KLF12: variants seen among roughly 807,000 people sequenced by gnomAD.
KLF12 encodes the protein Krueppel-like factor 12.
In KLF12, 9 loss-of-function variants were observed where a neutral mutation model predicts 37.8. That is an observed-to-expected ratio of 0.24 (90% CI 0.14 to 0.42). The LOEUF is 0.42. Ranked by LOEUF, KLF12 falls within the 10% of genes least tolerant of loss-of-function variation. The pLI is 1.00. For synonymous variants in KLF12, 208 were observed against 202.1 expected, an observed-to-expected ratio of 1.03 and a Z score of -0.25; for missense variants, 411 against 516.0, an observed-to-expected ratio of 0.80 and a Z score of 1.97.
intron 5 of KLF12, chr13:73,800,209 T>C (rs2138338195): frequency 6.6e-6 from 1 of 152,188 alleles, no homozygotes; most frequent in Middle Eastern, 3.4e-3. Context: ...CACTACTCTA[T>C]TATACTTGGC....
At chr13:74,282,630 T>G in the KLF12 span, among the ~76,000 whole-genome samples, 1 of 152,166 alleles carries the variant, frequency 6.6e-6, no homozygotes, top group Non-Finnish European at 1.5e-5. Context: ...TATGGGTGAC[T>G]GCACAACAGC....
chr13:74,171,664 G>A, the KLF12 span, among the ~76,000 whole-genome samples: 5 of 152,146 alleles, frequency 3.3e-5, no homozygotes, highest in Non-Finnish European at 7.3e-5. Context: ...TAATTGAAAG[G>A]TGGAAGTAGA....
rs542445831 is a variant in KLF12 at position 74,021,435 on chromosome 13, G to A, written c.-31-26382C>T. Among the ~76,000 whole-genome samples the A allele has an allele frequency of 1.4e-3, 214 of 152,268 alleles. 2 individuals carry two copies. The highest frequency in any genetic ancestry group is 5.0e-3 in the African/African-American group (206 of 41,528). Reference sequence around the variant, plus strand: ...TTTCAGTAGAAGAGGCTACAAATAGGACATGATGTTCGTTTGTGACGCAGG... The same window carrying A: ...TTTCAGTAGAAGAGGCTACAAATAGAACATGATGTTCGTTTGTGACGCAGG... On this transcript the variant is annotated intron_variant, in intron 1 of 7. Transcript: ENST00000377669.
At chr13:73,960,359 A>G in intron 2 of KLF12, 1 of 295,828 alleles carries the variant, frequency 3.4e-6, no homozygotes, top group Admixed American at 2.8e-5. Flanking sequence ...ACATGGAGTG[A>G]GATTTTTCAC....
At chr13:74,128,829 C>T (rs115365446) in intron 1 of KLF12, among the ~76,000 whole-genome samples, 2,315 of 151,784 alleles carry the variant, frequency 0.015, 54 homozygotes, top group African/African-American at 0.051. Flanking sequence ...CTGTTTTTCC[C>T]CCTTTTTTAT....
intron 1 of KLF12, among the ~76,000 whole-genome samples, chr13:73,996,764 A>C (rs1000615082): frequency 6.6e-6 from 1 of 152,202 alleles, no homozygotes; most frequent in African/African-American, 2.4e-5. Context: ...AAGAGCCTCC[A>C]ATCAGGAAGA....
At chr13:73,725,230 A>C (rs148675633) in intron 6 of KLF12, among the ~76,000 whole-genome samples, 1,652 of 152,206 alleles carry the variant, frequency 0.011, 11 homozygotes, top group Non-Finnish European at 0.019. Flanking sequence ...TCTCCTGAGT[A>C]GCTGGAACTA....
At chr13:73,801,103 A>AAGATTTTTCTATCTATATC (rs1882258439) in intron 5 of KLF12, 2 of 152,138 alleles carry the variant, frequency 1.3e-5, no homozygotes, top group Admixed American at 1.3e-4. Context: ...ACTCTTACCC[A>AAGATTTTTCTATCTATATC]AGATTTTTCT....
the KLF12 span, among the ~76,000 whole-genome samples, chr13:74,233,098 T>A: frequency 6.6e-6 from 1 of 152,178 alleles, no homozygotes; most frequent in Non-Finnish European, 1.5e-5. Context: ...TTAGCCAGGA[T>A]GGTCTTGATC....
At chr13:73,847,363 G>A (rs948159452) in intron 3 of KLF12, among the ~76,000 whole-genome samples, 1 of 151,886 alleles carries the variant, frequency 6.6e-6, no homozygotes, top group African/African-American at 2.4e-5. Context: ...ACTTTTTATG[G>A]ATCAGAACAA....
intron 1 of KLF12, among the ~76,000 whole-genome samples, chr13:74,128,486 T>C (rs757910570): frequency 2.6e-5 from 4 of 152,202 alleles, no homozygotes; most frequent in Admixed American, 6.5e-5. Flanking sequence ...ACCACAGCCC[T>C]GTAAACTACA....
the KLF12 span, among the ~76,000 whole-genome samples, chr13:74,178,229 T>C: frequency 6.6e-6 from 1 of 152,226 alleles, no homozygotes; most frequent in Non-Finnish European, 1.5e-5. Flanking sequence ...TCCATCCACC[T>C]TGTGTGGTGT....
intron 1 of KLF12, among the ~76,000 whole-genome samples, chr13:74,098,960 C>T (rs1019128477): frequency 2.6e-5 from 4 of 152,090 alleles, no homozygotes; most frequent in African/African-American, 4.8e-5. Flanking sequence ...ACACAAACTC[C>T]GCTTACTTTT....
chr13:73,863,904 A>C (rs1475995845), intron 3 of KLF12, among the ~76,000 whole-genome samples: 1 of 152,196 alleles, frequency 6.6e-6, no homozygotes, highest in East Asian at 1.9e-4. Context: ...TGAGTGTTAT[A>C]AAGACTATAA....
At chr13:73,732,234 C>A (rs1877117728) in intron 6 of KLF12, among the ~76,000 whole-genome samples, 1 of 151,906 alleles carries the variant, frequency 6.6e-6, no homozygotes, top group Non-Finnish European at 1.5e-5. Flanking sequence ...CAGGCACCCA[C>A]CACCACACCT....
At chr13:73,981,456 A>G (rs1891686258) in intron 2 of KLF12, among the ~76,000 whole-genome samples, 1 of 152,236 alleles carries the variant, frequency 6.6e-6, no homozygotes, top group Non-Finnish European at 1.5e-5. Context: ...ACCTATACGC[A>G]TCAATGTGAA....
chr13:74,110,707 C>T (rs1310331023), intron 1 of KLF12, among the ~76,000 whole-genome samples: 4 of 152,064 alleles, frequency 2.6e-5, no homozygotes. Flanking sequence ...TGGTTGGTCT[C>T]GGTTGAGTTA....
At chr13:74,078,482 A>C (rs1402691990) in intron 1 of KLF12, among the ~76,000 whole-genome samples, 4 of 152,214 alleles carry the variant, frequency 2.6e-5, no homozygotes, top group Non-Finnish European at 4.4e-5. Context: ...CATAATTATA[A>C]ATGGCCATAC....
chr13:73,876,757 G>A (rs1338348151), intron 3 of KLF12, among the ~76,000 whole-genome samples: 1 of 152,080 alleles, frequency 6.6e-6, no homozygotes, highest in East Asian at 1.9e-4. Flanking sequence ...GCTTATGCCT[G>A]CAATCCCAGC....
Sources: allele counts gnomAD v4.1 joint callset (sites outside exome capture counted in the v4.1 genomes callset), GRCh38; gene constraint gnomAD v4.1.1; transcripts MANE v1.5; gene names NCBI Gene and HGNC (gene_info 2026-07-23, HGNC 2026-07-21).